The following APBA2 variants were observed in gnomAD, a reference collection of about 807,000 sequenced individuals.
APBA2 encodes the protein amyloid-beta A4 precursor protein-binding family A member 2.
A neutral mutation model predicts 75.0 loss-of-function variants in APBA2; 30 were observed. That is an observed-to-expected ratio of 0.40 (90% CI 0.30 to 0.54). The LOEUF is 0.54. Among genes scored for constraint, APBA2 ranks in the 20% least tolerant of loss-of-function variants. APBA2 has a pLI of 0.49. For synonymous variants in APBA2, 444 were observed against 409.6 expected (o/e 1.08, Z -1.01); for missense variants, 801 against 1,016.1 (o/e 0.79, Z 2.88).
intron 2 of APBA2, among the ~76,000 whole-genome samples, chr15:28,948,491 T>C (rs1397560902): frequency 6.6e-6 from 1 of 152,114 alleles, no homozygotes. Flanking sequence ...CTTCAGAGTT[T>C]GGTAGGTGAT....
intron 2 of APBA2, among the ~76,000 whole-genome samples, chr15:28,951,878 A>G (rs2336913): frequency 0.25 from 33,273 of 131,400 alleles, 8,056 homozygotes; most frequent in African/African-American, 0.62. Flanking sequence ...CACTGCACTC[A>G]GCCTTTTTTT....
chr15:28,906,869 T>C (rs1302463741), intron 1 of APBA2, among the ~76,000 whole-genome samples: 1 of 152,156 alleles, frequency 6.6e-6, no homozygotes, highest in Admixed American at 6.5e-5. Context: ...GATTTATAGG[T>C]GTTCTTGGTA....
chr15:29,081,855 C>A (rs761302754), intron 6 of APBA2, among the ~76,000 whole-genome samples: 1 of 152,212 alleles, frequency 6.6e-6, no homozygotes. Context: ...CTTGTGGCTA[C>A]GCCTTTGTGT....
At chr15:29,058,674 C>G (rs553926237) in intron 4 of APBA2, among the ~76,000 whole-genome samples, 23 of 151,760 alleles carry the variant, frequency 1.5e-4, no homozygotes, top group Non-Finnish European at 3.2e-4. Context: ...AGAGGTCTGC[C>G]CGGGGGCTGG....
At chr15:28,947,678 T>A (rs1346818526) in intron 2 of APBA2, among the ~76,000 whole-genome samples, 2 of 152,140 alleles carry the variant, frequency 1.3e-5, no homozygotes, top group Admixed American at 1.3e-4. Context: ...CCAGAGCTCC[T>A]TGCCTGGGTC....
chr15:29,075,038 C>A, intron 5 of APBA2, 37 bp downstream of exon 5: 1 of 1,479,030 alleles, frequency 6.8e-7, no homozygotes, highest in Non-Finnish European at 9.4e-7. Context: ...TGGGCTGGAA[C>A]ACTCATCTAA....
intron 4 of APBA2, among the ~76,000 whole-genome samples, chr15:29,066,985 GCCTT>G (rs1211322884): frequency 6.6e-6 from 1 of 152,164 alleles, no homozygotes; most frequent in Non-Finnish European, 1.5e-5. Flanking sequence ...GCCTCAGGAA[GCCTT>G]CAATGGTGAC....
intron 2 of APBA2, among the ~76,000 whole-genome samples, chr15:28,933,226 TG>T (rs112255267): frequency 6.6e-6 from 1 of 152,034 alleles, no homozygotes; most frequent in Admixed American, 6.5e-5. Context: ...ACATGAACTT[TG>T]GGGGGGCACA....
chr15:29,112,119 G>A (rs753204752), intron 13 of APBA2, among the ~76,000 whole-genome samples: 9 of 152,176 alleles, frequency 5.9e-5, no homozygotes, highest in South Asian at 4.1e-4. Context: ...CAGGCCCTTC[G>A]CCTGAAGTCC....
chr15:28,959,226 A>G (rs561451567), intron 2 of APBA2, among the ~76,000 whole-genome samples: 400 of 152,302 alleles, frequency 2.6e-3, no homozygotes, highest in Admixed American at 5.2e-3. Flanking sequence ...TGACCTCATG[A>G]TCCACCTGCC....
At chr15:29,109,275 G>C (rs1325185356) in intron 13 of APBA2, among the ~76,000 whole-genome samples, 1 of 152,218 alleles carries the variant, frequency 6.6e-6, no homozygotes, top group African/African-American at 2.4e-5. Context: ...AAGCAGCATG[G>C]AGGGTTACAC....
intron 3 of APBA2, among the ~76,000 whole-genome samples, chr15:29,028,458 A>G (rs780651332): frequency 1.3e-5 from 2 of 152,230 alleles, no homozygotes; most frequent in Non-Finnish European, 2.9e-5. Context: ...ATAGTGCTGC[A>G]GTGAACATAG....
chr15:28,895,019 T>C (rs2032383115), intron 1 of APBA2, among the ~76,000 whole-genome samples: 1 of 152,150 alleles, frequency 6.6e-6, no homozygotes, highest in Non-Finnish European at 1.5e-5. Flanking sequence ...GTCCCAGCCT[T>C]GCTAGTGAGG....
chr15:29,005,869 A>G lies in APBA2; in HGVS notation c.-41+10063A>G, dbSNP rs950266653. On this transcript the variant is annotated intron_variant, in intron 3 of 14. Coordinates refer to ENST00000683413, the MANE Select transcript of APBA2 (RefSeq NM_001353788.2). ...ACAGAGCGAGACTCTGTCTCAAAAT[A>G]AATAAATAAATAAATAAATAAATAT... Among the ~76,000 whole-genome samples, 11 of 96,906 alleles carry G rather than the reference A, an allele frequency of 1.1e-4. No homozygotes were observed. In the African/African-American group the frequency reaches 1.6e-3, roughly 14 times the overall value. 63.6% of individuals were successfully genotyped at this position (96,906 alleles called of 152,430 possible). A position where few individuals can be genotyped will look rare whatever the true frequency, so the allele number is the denominator to read the frequency against.
At chr15:28,963,953 C>T (rs573907954) in intron 2 of APBA2, among the ~76,000 whole-genome samples, 1 of 152,270 alleles carries the variant, frequency 6.6e-6, no homozygotes, top group Non-Finnish European at 1.5e-5. Context: ...GTAACCACCA[C>T]CACAATCAAG....
intron 1 of APBA2, among the ~76,000 whole-genome samples, chr15:28,920,957 A>ATCTTC (rs2152669647): frequency 6.6e-6 from 1 of 152,288 alleles, no homozygotes; most frequent in Non-Finnish European, 1.5e-5. Flanking sequence ...GCTGATCAGT[A>ATCTTC]AGGGGTGCTG....
intron 8 of APBA2, among the ~76,000 whole-genome samples, chr15:29,095,430 CAAAAGAA>C (rs2043804693): frequency 2.4e-5 from 1 of 41,472 alleles, no homozygotes; most frequent in East Asian, 1.7e-3. Flanking sequence ...AACTCCATCT[CAAAAGAA>C]AAAAAAAAAG....
chr15:29,000,051 C>T (rs1401770636), intron 3 of APBA2, among the ~76,000 whole-genome samples: 4 of 152,184 alleles, frequency 2.6e-5, no homozygotes, highest in Admixed American at 2.6e-4. Context: ...CTGGAGTGGA[C>T]GATGCCCACC....
chr15:28,900,601 TTTGCTGTGCCCTTTG>T (rs2032791692), intron 1 of APBA2, among the ~76,000 whole-genome samples: 3 of 152,184 alleles, frequency 2.0e-5, no homozygotes, highest in Admixed American at 6.5e-5. Flanking sequence ...GGTGATTTTT[TTTGCTGTGCCCTTTG>T]TTGCTGTGGC....
Sources: allele counts gnomAD v4.1 joint callset (sites outside exome capture counted in the v4.1 genomes callset), GRCh38; gene constraint gnomAD v4.1.1; transcripts MANE v1.5; gene names NCBI Gene and HGNC (gene_info 2026-07-23, HGNC 2026-07-21).